CDH13: variants seen among roughly 807,000 people sequenced by gnomAD.
CDH13 encodes the protein cadherin 13.
A neutral mutation model predicts 63.8 loss-of-function variants in CDH13; 24 were observed. That is an observed-to-expected ratio of 0.38 (90% confidence interval 0.27 to 0.53). CDH13 has a LOEUF of 0.53. Among genes scored for constraint, CDH13 ranks in the 20% least tolerant of loss-of-function variants. CDH13 has a pLI of 0.85. For synonymous variants in CDH13, 503 were observed against 355.3 expected (o/e 1.42, Z -4.67); for missense variants, 1,049 against 903.1 (o/e 1.16, Z -2.07).
chr16:83,527,233 A>G (rs2074984169), intron 7 of CDH13, among the ~76,000 whole-genome samples: 2 of 152,076 alleles, frequency 1.3e-5, no homozygotes, highest in Non-Finnish European at 2.9e-5. Context: ...GCAGATCACG[A>G]GGTCGGGAGA....
At chr16:82,691,749 G>T (rs149107008) in intron 1 of CDH13, among the ~76,000 whole-genome samples, 188 of 152,236 alleles carry the variant, frequency 1.2e-3, no homozygotes, top group African/African-American at 4.3e-3. Flanking sequence ...GGAGAAATCA[G>T]GAAAGATGGT....
At chr16:82,946,736 A>G (rs1271833742) in intron 2 of CDH13, among the ~76,000 whole-genome samples, 2 of 151,702 alleles carry the variant, frequency 1.3e-5, no homozygotes, top group African/African-American at 2.4e-5. Flanking sequence ...AAAGAAAGAA[A>G]AAACATACTC....
chr16:83,576,562 C>T (rs570213711), intron 7 of CDH13, among the ~76,000 whole-genome samples: 40 of 152,318 alleles, frequency 2.6e-4, no homozygotes, highest in African/African-American at 9.4e-4. Context: ...GAGGAACCAT[C>T]ATACTAGCAC....
intron 2 of CDH13, among the ~76,000 whole-genome samples, chr16:82,974,834 G>A (rs1234922518): frequency 6.6e-6 from 1 of 152,246 alleles, no homozygotes; most frequent in Non-Finnish European, 1.5e-5. Context: ...GAGTCTCCAT[G>A]TCAGACTTTT....
At chr16:82,762,066 C>T (rs2034875650) in intron 1 of CDH13, among the ~76,000 whole-genome samples, 1 of 152,082 alleles carries the variant, frequency 6.6e-6, no homozygotes, top group South Asian at 2.1e-4. Flanking sequence ...GAAAGTGAAA[C>T]CACAAATCGG....
At chr16:83,596,319 G>T (rs973542435) in intron 7 of CDH13, among the ~76,000 whole-genome samples, 1 of 152,186 alleles carries the variant, frequency 6.6e-6, no homozygotes, top group African/African-American at 2.4e-5. Flanking sequence ...TCCCTCTATT[G>T]GTCCTAGGAG....
intron 6 of CDH13, among the ~76,000 whole-genome samples, chr16:83,377,425 T>C (rs2091479472): frequency 6.6e-6 from 1 of 152,132 alleles, no homozygotes; most frequent in Non-Finnish European, 1.5e-5. Context: ...AATTATAGAT[T>C]TAGGTTATAG....
chr16:83,553,708 C>G (rs1166340683), intron 7 of CDH13, among the ~76,000 whole-genome samples: 1 of 152,186 alleles, frequency 6.6e-6, no homozygotes, highest in Non-Finnish European at 1.5e-5. Flanking sequence ...AGGCACCCAC[C>G]ACCACACTTG....
chr16:82,828,336 G>A (rs1236866164), intron 1 of CDH13, among the ~76,000 whole-genome samples: 1 of 152,128 alleles, frequency 6.6e-6, no homozygotes, highest in Non-Finnish European at 1.5e-5. Context: ...AGTATCCTCT[G>A]GCCGAGTGTG....
At chr16:83,420,082 G>A (rs578199057) in intron 6 of CDH13, among the ~76,000 whole-genome samples, 71 of 152,166 alleles carry the variant, frequency 4.7e-4, no homozygotes, top group Middle Eastern at 3.4e-3. Flanking sequence ...GAATTTCCCA[G>A]AAAAGATGAG....
intron 5 of CDH13, among the ~76,000 whole-genome samples, chr16:83,300,002 C>G (rs2089694409): frequency 1.3e-5 from 2 of 151,952 alleles, no homozygotes; most frequent in Non-Finnish European, 1.5e-5. Context: ...CATAAGTTGT[C>G]AAATGAGAGC....
rs560999224 is a variant in CDH13 at position 82,709,621 on chromosome 16, G to T, written c.45+82484G>T. On this transcript the variant is annotated intron_variant, in intron 1 of 13. Coordinates refer to ENST00000567109, the MANE Select transcript of CDH13 (RefSeq NM_001257.5). Reference sequence around the variant, plus strand: ...ATGAGATAATTCATGTCAAGTATTTGGCCCAGCGACTGCGACATAGCAAGT... The same window carrying T: ...ATGAGATAATTCATGTCAAGTATTTTGCCCAGCGACTGCGACATAGCAAGT... Among the ~76,000 whole-genome samples, 42 of 152,312 alleles carry T rather than the reference G, an allele frequency of 2.8e-4. No homozygotes were observed. The South Asian group carries it at 8.3e-3, about 30-fold the overall frequency.
At chr16:83,492,590 A>T (rs2074040208) in intron 7 of CDH13, among the ~76,000 whole-genome samples, 1 of 152,224 alleles carries the variant, frequency 6.6e-6, no homozygotes, top group Non-Finnish European at 1.5e-5. Context: ...TTATCCTTTC[A>T]AATGAAACAC....
chr16:83,063,888 G>T (rs2031789358), intron 3 of CDH13, among the ~76,000 whole-genome samples: 1 of 152,110 alleles, frequency 6.6e-6, no homozygotes, highest in Non-Finnish European at 1.5e-5. Flanking sequence ...TAACATTTTT[G>T]CAGGGAGAGT....
chr16:83,389,026 C>T (rs191521880), intron 6 of CDH13, among the ~76,000 whole-genome samples: 127 of 152,296 alleles, frequency 8.3e-4, no homozygotes, highest in African/African-American at 2.9e-3. Context: ...CCAGTCAGAG[C>T]CGACAGGGAA....
At position 82,897,970 on chromosome 16, in the gene CDH13, G is replaced by A. The variant is rs555099550; in HGVS notation, c.157+39497G>A. On this transcript the variant is annotated intron_variant, in intron 2 of 13. Coordinates refer to ENST00000567109, the MANE Select transcript of CDH13 (RefSeq NM_001257.5). ...GCCTCTGATGCTTATCATCTGCACC[G>A]TCCAATACAGTAAGCCACGTGGAGC... 8.5e-4 allele frequency among the ~76,000 whole-genome samples: 130 copies of A among 152,256 alleles called. 1 individual carries two copies. The Middle Eastern group carries it at 0.01, about 12-fold the overall frequency.
At chr16:83,626,411 G>T (rs927995338) in intron 8 of CDH13, among the ~76,000 whole-genome samples, 1 of 152,162 alleles carries the variant, frequency 6.6e-6, no homozygotes, top group African/African-American at 2.4e-5. Context: ...TTAGGATGTA[G>T]TTGGCGCTCA....
chr16:82,971,197 G>C (rs1908691820), intron 2 of CDH13, among the ~76,000 whole-genome samples: 1 of 152,156 alleles, frequency 6.6e-6, no homozygotes, highest in African/African-American at 2.4e-5. Flanking sequence ...TTTTAAACTG[G>C]CTTCCATAAC....
At chr16:82,693,713 G>A (rs1207327871) in intron 1 of CDH13, among the ~76,000 whole-genome samples, 1 of 152,196 alleles carries the variant, frequency 6.6e-6, no homozygotes, top group Non-Finnish European at 1.5e-5. Context: ...ATTACATTCT[G>A]ATGTTTATTT....
Sources: allele counts gnomAD v4.1 joint callset (sites outside exome capture counted in the v4.1 genomes callset), GRCh38; gene constraint gnomAD v4.1.1; transcripts MANE v1.5; gene names NCBI Gene and HGNC (gene_info 2026-07-23, HGNC 2026-07-21).